Variants in NBEAL1 observed in about 807,000 individuals in gnomAD.
NBEAL1 encodes the protein neurobeachin like 1.
Under a neutral mutation model 351.3 loss-of-function variants are expected in NBEAL1, and 273 were observed. The observed-to-expected ratio is 0.78, with a 90% CI of 0.70 to 0.86. NBEAL1 has a LOEUF of 0.86. Among genes scored for constraint, NBEAL1 ranks in the 40% least tolerant of loss-of-function variants. The probability of loss-of-function intolerance (pLI) is 0.00; values close to 1 mark genes in which losing one functional copy is unlikely to be tolerated. For missense variants in NBEAL1, 2,961 were observed against 3,201.3 expected, an observed-to-expected ratio of 0.92 and a Z score of 1.81; for synonymous variants, 1,050 against 1,086.4, an observed-to-expected ratio of 0.97 and a Z score of 0.66.
chr2:203,016,340 A>G lies in NBEAL1; in HGVS notation c.-45A>G. On this transcript the variant is annotated 5_prime_UTR_variant, in exon 2 of 56. Transcript: ENST00000683969. ...AAATGGACATGCTGTAGTCTTGAAC[A>G]TAATTTTTTTAAGGAAAACTTAAAG... 2 of 1,379,276 alleles carry G rather than the reference A, an allele frequency of 1.5e-6. No homozygotes were observed. Among genetic ancestry groups the G allele is most frequent in the South Asian group, 3.0e-5 (2 of 66,372 alleles). 85.4% of individuals were successfully genotyped at this position (1,379,276 alleles called of 1,614,324 possible).
intron 30 of NBEAL1, 109 bp from the exon 31 acceptor site, chr2:203,138,511 G>C: frequency 1.7e-6 from 2 of 1,208,188 alleles, no homozygotes; most frequent in Non-Finnish European, 2.3e-6. Flanking sequence ...CTGAACATTG[G>C]ACTAGCTTTT....
intron 2 of NBEAL1, among the ~76,000 whole-genome samples, chr2:203,023,456 CGTT>C (rs746768211): frequency 4.6e-5 from 7 of 152,156 alleles, no homozygotes; most frequent in Non-Finnish European, 8.8e-5. Flanking sequence ...AAATGAAAAA[CGTT>C]GTTAAGATGC....
chr2:203,166,040 G>C (rs1284498357), intron 36 of NBEAL1, 109 bp from the exon 37 acceptor site: 2 of 1,046,140 alleles, frequency 1.9e-6, no homozygotes, highest in Non-Finnish European at 2.6e-6. Context: ...GCAAGACCTT[G>C]TCTCAAAAAA....
rs57126638 is a variant in NBEAL1, at chr2:203,119,424, C to CTTTTTTTTTTTT, written c.2593-2821_2593-2810dup. 6.2e-3 allele frequency among the ~76,000 whole-genome samples: 412 copies of CTTTTTTTTTTTT among 66,656 alleles called. 94 individuals are homozygous for CTTTTTTTTTTTT. Among genetic ancestry groups the CTTTTTTTTTTTT allele is most frequent in the Non-Finnish European group, 7.4e-3 (281 of 38,048 alleles). 43.7% of individuals were successfully genotyped at this position (66,656 alleles called of 152,430 possible). A position where few individuals can be genotyped will look rare whatever the true frequency, so the allele number is the denominator to read the frequency against. ...GTGAGCCACTGCATACGGCCTGTTG[C>CTTTTTTTTTTTT]TTTTTTTTTTTTTTTTTTTTGAGAC... On this transcript the variant is annotated intron_variant, in intron 18 of 55. Transcript: ENST00000683969.
intron 7 of NBEAL1, among the ~76,000 whole-genome samples, chr2:203,074,359 C>G (rs549378222): frequency 1.1e-4 from 13 of 121,152 alleles, no homozygotes; most frequent in Admixed American, 6.0e-4. Context: ...GGGTCTTACT[C>G]TGTTACCCAG....
intron 31 of NBEAL1, among the ~76,000 whole-genome samples, chr2:203,141,720 C>A (rs941347446): frequency 6.6e-6 from 1 of 151,770 alleles, no homozygotes; most frequent in African/African-American, 2.4e-5. Flanking sequence ...GGTTAGTGAC[C>A]TAAAACATTT....
intron 36 of NBEAL1, among the ~76,000 whole-genome samples, chr2:203,160,286 G>A (rs970931391): frequency 3.3e-5 from 5 of 152,008 alleles, no homozygotes; most frequent in South Asian, 2.1e-4. Flanking sequence ...TTGCCATGTC[G>A]GCCAGGCTGG....
chr2:203,173,685 A>G (rs1302402927), intron 41 of NBEAL1, among the ~76,000 whole-genome samples: 1 of 152,088 alleles, frequency 6.6e-6, no homozygotes, highest in Non-Finnish European at 1.5e-5. Flanking sequence ...GATAATAACC[A>G]AAAGAAGATT....
chr2:203,092,899 A>G (rs2062093995), intron 10 of NBEAL1, among the ~76,000 whole-genome samples: 1 of 152,216 alleles, frequency 6.6e-6, no homozygotes. Flanking sequence ...TGTTATAAAG[A>G]CAAATTCAGT....
chr2:203,078,489 C>A (rs1482114024), intron 8 of NBEAL1, among the ~76,000 whole-genome samples: 1 of 152,096 alleles, frequency 6.6e-6, no homozygotes, highest in Non-Finnish European at 1.5e-5. Context: ...TACAGGCACA[C>A]ACCACCATGC....
intron 10 of NBEAL1, among the ~76,000 whole-genome samples, chr2:203,093,621 A>G (rs1459567850): frequency 1.3e-5 from 2 of 152,236 alleles, no homozygotes; most frequent in Non-Finnish European, 2.9e-5. Flanking sequence ...TGGGAGGCCA[A>G]GGCGGGTTGA....
chr2:203,100,551 T>C (rs2062293619), intron 12 of NBEAL1, among the ~76,000 whole-genome samples: 1 of 150,308 alleles, frequency 6.7e-6, no homozygotes, highest in African/African-American at 2.4e-5. Context: ...TTCTTTTCTT[T>C]TTTTTTTTTT....
chr2:203,200,211 C>T (rs1263279732), intron 49 of NBEAL1, among the ~76,000 whole-genome samples: 1 of 152,150 alleles, frequency 6.6e-6, no homozygotes, highest in Non-Finnish European at 1.5e-5. Context: ...AACCCCGTCT[C>T]TACTAAAAAT....
intron 10 of NBEAL1, among the ~76,000 whole-genome samples, chr2:203,094,682 T>C (rs749471087): frequency 1.3e-5 from 2 of 152,174 alleles, no homozygotes; most frequent in Non-Finnish European, 2.9e-5. Context: ...ATAGAGTACT[T>C]TACAATTCCA....
rs910555867 is a variant in NBEAL1, at chr2:203,210,966, T to G, written c.7794T>G (p.Asn2598Lys). Residue 2598 changes from asparagine (N) to lysine (K), a missense_variant, in exon 54 of 56, where the codon AAT becomes AAG. By Grantham distance (94) the Asn-to-Lys change is moderately conservative. Transcript: ENST00000683969. The part of the protein sequence containing the change: ...TEEKTTLKDK[N>K]ALHLFSINGK... ...TCCTTAATTCTTTTCAGGATAAGAA[T>G]GCATTACATCTGTTTTCTATAAATG... 2.2e-5 allele frequency: 35 copies of G among 1,571,812 alleles called. No homozygotes were observed. Among genetic ancestry groups the G allele is most frequent in the Non-Finnish European group, 3.0e-5 (35 of 1,159,318 alleles).
intron 36 of NBEAL1, among the ~76,000 whole-genome samples, chr2:203,159,750 C>T (rs1355508364): frequency 6.6e-6 from 1 of 152,074 alleles, no homozygotes; most frequent in African/African-American, 2.4e-5. Flanking sequence ...TGGTTATCTA[C>T]TGAGGAGTAT....
In NBEAL1 at chr2:203,136,581, A is replaced by G; in HGVS notation, c.4390-18A>G. The G allele has an allele frequency of 6.4e-7, 1 of 1,563,348 alleles. No individual in the cohort carries two copies. The highest frequency in any genetic ancestry group is 8.8e-7 in the Non-Finnish European group (1 of 1,140,646). ...CTACACCCTCTAGTTATTTAAAATTACTTTATATTTTCCATAGAGATGTGA... is the reference window on the plus strand; with the variant it reads ...CTACACCCTCTAGTTATTTAAAATTGCTTTATATTTTCCATAGAGATGTGA... On this transcript the variant is annotated intron_variant, in intron 28 of 55. Transcript: ENST00000683969.
At chr2:203,017,800 C>T (rs889078882) in intron 2 of NBEAL1, among the ~76,000 whole-genome samples, 8 of 151,988 alleles carry the variant, frequency 5.3e-5, no homozygotes, top group Non-Finnish European at 7.4e-5. Flanking sequence ...CATTGGCATA[C>T]ACTGAATTTT....
chr2:203,193,756 A>G (rs2065161270), intron 46 of NBEAL1, 39 bp from the exon 47 acceptor site: 1 of 1,354,398 alleles, frequency 7.4e-7, no homozygotes. Context: ...GATTAATAAC[A>G]TAGATATGGA....
Sources: gnomAD v4.1 joint callset for allele counts (sites outside exome capture counted in the v4.1 genomes callset) on GRCh38, gnomAD v4.1.1 for gene constraint, MANE v1.5 for transcripts, NCBI Gene and HGNC (gene_info 2026-07-23, HGNC 2026-07-21) for gene names.